SERGEF: variants seen among roughly 807,000 people sequenced by gnomAD.
The protein encoded by SERGEF is secretion-regulating guanine nucleotide exchange factor.
Under a neutral mutation model 50.0 loss-of-function variants are expected in SERGEF, and 51 were observed. That is an observed-to-expected ratio of 1.02 (90% CI 0.81 to 1.29). The LOEUF is 1.29. Ranked by LOEUF, SERGEF falls within the 50% of genes most tolerant of loss-of-function variation. SERGEF has a pLI of 0.00. For synonymous variants in SERGEF, 205 were observed against 212.4 expected, an observed-to-expected ratio of 0.97 and a Z score of 0.30; for missense variants, 521 against 557.0, an observed-to-expected ratio of 0.94 and a Z score of 0.65.
intron 10 of SERGEF, among the ~76,000 whole-genome samples, chr11:17,796,087 A>C (rs947732309): frequency 9.2e-5 from 14 of 152,234 alleles, no homozygotes; most frequent in African/African-American, 3.4e-4. Flanking sequence ...TCTCTGACAA[A>C]GACAGGGAGA....
intron 10 of SERGEF, among the ~76,000 whole-genome samples, chr11:17,827,332 G>A (rs1262330375): frequency 5.3e-5 from 8 of 152,266 alleles, no homozygotes; most frequent in African/African-American, 1.9e-4. Context: ...GCTGGGGAGG[G>A]AGCCATCAGC....
chr11:18,011,875 C>T (rs1351456615), intron 1 of SERGEF, among the ~76,000 whole-genome samples: 1 of 152,174 alleles, frequency 6.6e-6, no homozygotes, highest in Non-Finnish European at 1.5e-5. Context: ...CATGCTCTCC[C>T]TCCTGCCAAA....
intron 10 of SERGEF, among the ~76,000 whole-genome samples, chr11:17,801,512 G>A (rs181075635): frequency 6.6e-6 from 1 of 152,272 alleles, no homozygotes; most frequent in Admixed American, 6.5e-5. Flanking sequence ...TCTAGGACCT[G>A]CTGATACATT....
chr11:17,862,855 C>G (rs1850950839), intron 10 of SERGEF, among the ~76,000 whole-genome samples: 1 of 152,212 alleles, frequency 6.6e-6, no homozygotes, highest in Non-Finnish European at 1.5e-5. Context: ...TGGTTGTCCC[C>G]TAGTTGCTAT....
intron 10 of SERGEF, among the ~76,000 whole-genome samples, chr11:17,795,210 G>A (rs1049983953): frequency 2.6e-5 from 4 of 152,190 alleles, no homozygotes; most frequent in African/African-American, 9.7e-5. Context: ...GGGCCTTGGA[G>A]CAGGGTAAGT....
rs1306101227 is a variant in SERGEF at position 18,007,990 on chromosome 11, C to T, written c.147G>A (p.Arg49=). 1 of 1,614,070 alleles carries T rather than the reference C, an allele frequency of 6.2e-7. No individual in the cohort carries two copies. The highest frequency in any genetic ancestry group is 8.5e-7 in the Non-Finnish European group (1 of 1,179,902). The change falls in exon 2 of 11, where the codon AGG becomes AGA. Residue 49 remains arginine, a synonymous_variant. Coordinates refer to ENST00000265965, the MANE Select transcript of SERGEF (RefSeq NM_012139.4). The part of the protein sequence containing the change: ...PQQLNDFCKP[R]SVRRITGGGG... The stretch of plus-strand genomic sequence containing the variant: ...CTCCTCCTGTGATCCTCCTGACACT[C>T]CTGGGTTTACAGAAGTCATTCAGTT...
chr11:17,882,408 GAGTC>G (rs1851350389), intron 9 of SERGEF, among the ~76,000 whole-genome samples: 1 of 129,712 alleles, frequency 7.7e-6, no homozygotes, highest in Non-Finnish European at 1.6e-5. Flanking sequence ...AACAGAGCAA[GAGTC>G]AGTCTCAAAA....
chr11:17,889,006 A>G (rs542123881), intron 9 of SERGEF, among the ~76,000 whole-genome samples: 2 of 152,210 alleles, frequency 1.3e-5, no homozygotes, highest in Non-Finnish European at 2.9e-5. Context: ...TAGCCCATTG[A>G]ATAAAATAAA....
At chr11:17,894,506 C>G (rs1227018020) in intron 9 of SERGEF, among the ~76,000 whole-genome samples, 3 of 152,146 alleles carry the variant, frequency 2.0e-5, no homozygotes, top group Non-Finnish European at 4.4e-5. Context: ...ACTTTCTCTA[C>G]TTATTATTAA....
chr11:17,984,138 G>A, intron 8 of SERGEF, among the ~76,000 whole-genome samples: 1 of 152,186 alleles, frequency 6.6e-6, no homozygotes, highest in East Asian at 1.9e-4. Flanking sequence ...TCTTTCAACT[G>A]AGGTATGAAG....
intron 10 of SERGEF, among the ~76,000 whole-genome samples, chr11:17,835,861 G>A (rs1262495490): frequency 2.0e-5 from 3 of 152,192 alleles, no homozygotes; most frequent in African/African-American, 7.2e-5. Context: ...TGCTGGTTTT[G>A]ATATTTTATT....
At chr11:17,823,868 C>T (rs1850130417) in intron 10 of SERGEF, among the ~76,000 whole-genome samples, 1 of 152,178 alleles carries the variant, frequency 6.6e-6, no homozygotes, top group African/African-American at 2.4e-5. Flanking sequence ...TAACAGACTT[C>T]AAATTTTATT....
intron 8 of SERGEF, among the ~76,000 whole-genome samples, chr11:17,964,405 G>C (rs1853076410): frequency 6.6e-6 from 1 of 152,102 alleles, no homozygotes; most frequent in Non-Finnish European, 1.5e-5. Flanking sequence ...GTAGCTCCAG[G>C]GATGTCTGAG....
chr11:17,790,825 C>T lies in SERGEF; in HGVS notation c.1049-2412G>A, dbSNP rs117260692. Among the ~76,000 whole-genome samples, 20 of 152,260 alleles carry T rather than the reference C, an allele frequency of 1.3e-4. No homozygotes were observed. The East Asian group carries it at 2.5e-3, about 19-fold the overall frequency. Reference sequence around the variant, plus strand: ...TAGACTCTTGCCATTCTCATGAGTACGTTCAATTAGTTTGCATTTCCCTGA... The same window carrying T: ...TAGACTCTTGCCATTCTCATGAGTATGTTCAATTAGTTTGCATTTCCCTGA... On this transcript the variant is annotated intron_variant, in intron 10 of 10. Transcript: ENST00000265965.
intron 10 of SERGEF, among the ~76,000 whole-genome samples, chr11:17,801,906 T>C (rs1849676528): frequency 6.6e-6 from 1 of 152,198 alleles, no homozygotes; most frequent in African/African-American, 2.4e-5. Context: ...ATGAAGTGCT[T>C]GACTGGGATG....
At chr11:17,936,711 A>G (rs1218757780) in intron 9 of SERGEF, among the ~76,000 whole-genome samples, 4 of 152,242 alleles carry the variant, frequency 2.6e-5, no homozygotes, top group Non-Finnish European at 1.5e-5. Context: ...GGTTCCATTC[A>G]TTAGGGTTAA....
At chr11:17,878,378 A>G in intron 9 of SERGEF, 134 bp from the exon 10 acceptor site, 1 of 635,970 alleles carries the variant, frequency 1.6e-6, no homozygotes. Flanking sequence ...GAAGCATCAC[A>G]TACAAAAGTT....
At chr11:17,895,102 C>T (rs978961967) in intron 9 of SERGEF, among the ~76,000 whole-genome samples, 3 of 152,176 alleles carry the variant, frequency 2.0e-5, no homozygotes, top group African/African-American at 7.2e-5. Flanking sequence ...TGCAGCTGCA[C>T]AGCAGAGCTT....
chr11:17,911,999 C>A (rs1851963441), intron 9 of SERGEF, among the ~76,000 whole-genome samples: 1 of 151,996 alleles, frequency 6.6e-6, no homozygotes, highest in Non-Finnish European at 1.5e-5. Flanking sequence ...AGCAAATAGT[C>A]AAAAACAGGG....
Sources: gnomAD v4.1 joint callset for allele counts (sites outside exome capture counted in the v4.1 genomes callset) on GRCh38, gnomAD v4.1.1 for gene constraint, MANE v1.5 for transcripts, NCBI Gene and HGNC (gene_info 2026-07-23, HGNC 2026-07-21) for gene names.